The following KCNC2 variants were observed in gnomAD, a reference collection of about 807,000 sequenced individuals.
KCNC2 encodes potassium voltage-gated channel subfamily C member 2, also known as voltage-gated potassium channel KCNC2.
Under a neutral mutation model 44.5 loss-of-function variants are expected in KCNC2, and 21 were observed. The ratio of observed to expected loss-of-function variants is 0.47; its 90% CI spans 0.33 to 0.68. The LOEUF is 0.68. Ranked by LOEUF, KCNC2 falls within the 30% of genes least tolerant of loss-of-function variation. KCNC2 has a pLI of 0.01. For synonymous variants in KCNC2, 391 were observed against 339.1 expected (o/e 1.15, Z -1.68); for missense variants, 589 against 826.2 (o/e 0.71, Z 3.52).
intron 2 of KCNC2, among the ~76,000 whole-genome samples, chr12:75,206,612 C>A (rs2031706974): frequency 6.6e-6 from 1 of 152,144 alleles, no homozygotes; most frequent in South Asian, 2.1e-4. Flanking sequence ...GAGATACAGC[C>A]CTAAGCAAAA....
At chr12:75,152,895 C>T (rs1890503078) in intron 2 of KCNC2, among the ~76,000 whole-genome samples, 2 of 151,856 alleles carry the variant, frequency 1.3e-5, no homozygotes, top group Admixed American at 6.6e-5. Context: ...AGTTGTAGTA[C>T]ACACAACATT....
At chr12:75,077,918 A>C (rs1197552807) in intron 2 of KCNC2, among the ~76,000 whole-genome samples, 1 of 152,062 alleles carries the variant, frequency 6.6e-6, no homozygotes, top group African/African-American at 2.4e-5. Flanking sequence ...TTGAAAAAAA[A>C]CCCTAAATAT....
rs991041087 is a variant in KCNC2 at position 75,198,848 on chromosome 12, T to C, written c.687+8449A>G. ...TCTGGCCTTCTCATGGAGCACAAAA[T>C]GACAAAAAACTCAAAAAAATTTATA... is the stretch of plus-strand genomic sequence containing the variant. On this transcript the variant is annotated intron_variant, in intron 2 of 4. Coordinates refer to ENST00000549446, the MANE Select transcript of KCNC2 (RefSeq NM_139137.4). Among the ~76,000 whole-genome samples, 12 of 151,728 alleles carry C rather than the reference T, an allele frequency of 7.9e-5. No individual in the cohort carries two copies. In the East Asian group the frequency reaches 9.6e-4, roughly 12 times the overall value.
At chr12:75,198,376 T>C (rs1306516910) in intron 2 of KCNC2, among the ~76,000 whole-genome samples, 1 of 151,874 alleles carries the variant, frequency 6.6e-6, no homozygotes, top group Non-Finnish European at 1.5e-5. Context: ...AGATAACTGC[T>C]ATTTTCGATT....
chr12:75,142,602 TGAA>T (rs1404563536), intron 2 of KCNC2, among the ~76,000 whole-genome samples: 1 of 152,170 alleles, frequency 6.6e-6, no homozygotes, highest in Non-Finnish European at 1.5e-5. Flanking sequence ...CATTAGTTGT[TGAA>T]GGTTTGAATG....
intron 2 of KCNC2, among the ~76,000 whole-genome samples, chr12:75,080,716 T>A (rs1400166086): frequency 6.6e-6 from 1 of 152,086 alleles, no homozygotes; most frequent in East Asian, 1.9e-4. Context: ...TTTCTCTATT[T>A]TTTAGCAGTG....
chr12:75,142,444 G>T (rs1253434651), intron 2 of KCNC2, among the ~76,000 whole-genome samples: 1 of 152,158 alleles, frequency 6.6e-6, no homozygotes, highest in Non-Finnish European at 1.5e-5. Flanking sequence ...TGAGTAAGTG[G>T]TGTCACTGAT....
At chr12:75,122,576 G>T (rs1888122773) in intron 2 of KCNC2, among the ~76,000 whole-genome samples, 3 of 152,152 alleles carry the variant, frequency 2.0e-5, no homozygotes, top group Admixed American at 2.0e-4. Context: ...CCTCCACATG[G>T]CTTTAGAATC....
rs780539464 is a variant in KCNC2 at position 75,042,402 on chromosome 12, GA to G, written c.*702del. On this transcript the variant is annotated 3_prime_UTR_variant, in exon 5 of 5. Coordinates refer to ENST00000549446, the MANE Select transcript of KCNC2 (RefSeq NM_139137.4). ...GTGTGCAAACAACCAGAGACATTCAGAACTCCAATACAGCATTTTTGAAGAA... is the reference window on the plus strand; with the variant it reads ...GTGTGCAAACAACCAGAGACATTCAGACTCCAATACAGCATTTTTGAAGAA... 7.5e-6 allele frequency: 12 copies of G among 1,605,842 alleles called. No individual in the cohort carries two copies. The highest frequency in any genetic ancestry group is 1.0e-5 in the Non-Finnish European group (12 of 1,174,820).
chr12:75,077,721 T>C (rs1268951872), intron 2 of KCNC2, among the ~76,000 whole-genome samples: 2 of 152,190 alleles, frequency 1.3e-5, no homozygotes, highest in Admixed American at 6.5e-5. Context: ...CAGTGAGTAA[T>C]GTCCTTTGTT....
chr12:75,166,444 T>TAAA (rs139018178), intron 2 of KCNC2, among the ~76,000 whole-genome samples: 253 of 140,548 alleles, frequency 1.8e-3, no homozygotes, highest in African/African-American at 6.1e-3. Context: ...TCGAATGATC[T>TAAA]AAAAAAAAAA....
chr12:75,174,041 T>C (rs1346897148), intron 2 of KCNC2, among the ~76,000 whole-genome samples: 1 of 151,798 alleles, frequency 6.6e-6, no homozygotes, highest in Admixed American at 6.6e-5. Flanking sequence ...TAATACTTTA[T>C]CCTTCCCAAC....
intron 2 of KCNC2, among the ~76,000 whole-genome samples, chr12:75,058,820 C>T (rs1441635613): frequency 6.6e-6 from 1 of 152,022 alleles, no homozygotes; most frequent in Non-Finnish European, 1.5e-5. Context: ...TAGCCAATTT[C>T]CATCCAGCTA....
intron 1 of KCNC2, among the ~76,000 whole-genome samples, chr12:75,208,827 T>TTGTTGTTGATATTATTATTAC (rs2031923109): frequency 1.3e-5 from 2 of 152,164 alleles, no homozygotes; most frequent in Non-Finnish European, 2.9e-5. Flanking sequence ...ATTATTATTA[T>TTGTTGTTGATATTATTATTAC]TGTTGTTGAT....
chr12:75,177,484 G>T (rs1252237455), intron 2 of KCNC2, among the ~76,000 whole-genome samples: 1 of 151,544 alleles, frequency 6.6e-6, no homozygotes, highest in African/African-American at 2.4e-5. Context: ...GTTAAAATAT[G>T]ATTTTTTTTC....
chr12:75,181,575 C>A (rs530837774), intron 2 of KCNC2, among the ~76,000 whole-genome samples: 54 of 152,264 alleles, frequency 3.5e-4, no homozygotes, highest in African/African-American at 1.1e-3. Context: ...CTCATTTTCT[C>A]AACCTTTTTA....
At chr12:75,106,763 T>A (rs888471525) in intron 2 of KCNC2, among the ~76,000 whole-genome samples, 2 of 152,190 alleles carry the variant, frequency 1.3e-5, no homozygotes, top group Admixed American at 1.3e-4. Flanking sequence ...TAATACCTCT[T>A]ATAATTTAAA....
chr12:75,164,681 A>G (rs1473902965), intron 2 of KCNC2, among the ~76,000 whole-genome samples: 1 of 151,610 alleles, frequency 6.6e-6, no homozygotes, highest in Non-Finnish European at 1.5e-5. Flanking sequence ...CAGTCCCTGA[A>G]ACACTAACCT....
intron 2 of KCNC2, among the ~76,000 whole-genome samples, chr12:75,127,558 G>A (rs1260330393): frequency 6.6e-6 from 1 of 152,110 alleles, no homozygotes; most frequent in Non-Finnish European, 1.5e-5. Flanking sequence ...AGGGCCAGGA[G>A]GCAAATAAAG....
Sources: gnomAD v4.1 joint callset for allele counts (sites outside exome capture counted in the v4.1 genomes callset) on GRCh38, gnomAD v4.1.1 for gene constraint, MANE v1.5 for transcripts, NCBI Gene and HGNC (gene_info 2026-07-23, HGNC 2026-07-21) for gene names.